The following VWA8 variants were observed in gnomAD, a reference collection of about 807,000 sequenced individuals.
VWA8 encodes von Willebrand factor A domain containing 8, also known as von Willebrand factor A domain-containing protein 8.
VWA8 carries 221 observed loss-of-function variants against 241.5 expected under a neutral mutation model. That is an observed-to-expected ratio of 0.91 (90% CI 0.82 to 1.02). The LOEUF (loss-of-function observed/expected upper bound fraction) is 1.02, where lower values mean the gene tolerates loss of function less well. VWA8 is among the 50% of genes least tolerant of loss of function. VWA8 has a pLI of 0.00. For missense variants in VWA8, 2,322 were observed against 2,328.7 expected, an observed-to-expected ratio of 1.00 and a Z score of 0.06; for synonymous variants, 852 against 827.1, an observed-to-expected ratio of 1.03 and a Z score of -0.52.
At chr13:41,952,033 T>C (rs931252148) in intron 1 of VWA8, among the ~76,000 whole-genome samples, 19 of 152,276 alleles carry the variant, frequency 1.2e-4, no homozygotes, top group East Asian at 7.7e-4. Context: ...AGCTCCTCCA[T>C]AACCCGTGCA....
chr13:41,736,078 A>G (rs1352522698), intron 21 of VWA8, among the ~76,000 whole-genome samples: 3 of 152,206 alleles, frequency 2.0e-5, no homozygotes, highest in African/African-American at 7.2e-5. Context: ...ACTAGGGAGA[A>G]GAAAACTTAA....
intron 35 of VWA8, among the ~76,000 whole-genome samples, chr13:41,676,184 C>T (rs1442968645): frequency 6.6e-6 from 1 of 152,090 alleles, no homozygotes; most frequent in South Asian, 2.1e-4. Context: ...GCCAAGCTGA[C>T]AAAGGGTGTA....
At chr13:41,575,679 TTTAGTC>T in intron 43 of VWA8, 55 bp downstream of exon 43, 1 of 1,251,902 alleles carries the variant, frequency 8.0e-7, no homozygotes, top group Non-Finnish European at 1.1e-6. Context: ...AATGAATCCT[TTTAGTC>T]TTTACCTAAC....
At chr13:41,615,765 C>T (rs1309850979) in intron 37 of VWA8, among the ~76,000 whole-genome samples, 2 of 152,154 alleles carry the variant, frequency 1.3e-5, no homozygotes, top group Non-Finnish European at 2.9e-5. Flanking sequence ...TCTGTGAGAG[C>T]CTGAAGTTCA....
intron 43 of VWA8, among the ~76,000 whole-genome samples, chr13:41,573,525 G>A (rs1426425001): frequency 8.0e-5 from 10 of 125,216 alleles, no homozygotes; most frequent in African/African-American, 2.6e-4. Flanking sequence ...CTATATATAC[G>A]TGTATATATA....
At chr13:41,851,614 T>G (rs1226285140) in intron 12 of VWA8, among the ~76,000 whole-genome samples, 1 of 152,142 alleles carries the variant, frequency 6.6e-6, no homozygotes, top group East Asian at 1.9e-4. Context: ...TCATTTTCTC[T>G]TGCTCCAGTG....
intron 2 of VWA8, among the ~76,000 whole-genome samples, chr13:41,918,881 T>A (rs1876381267): frequency 6.6e-6 from 1 of 152,102 alleles, no homozygotes; most frequent in African/African-American, 2.4e-5. Context: ...ATACAAAGTG[T>A]GTTCTCCGAC....
intron 25 of VWA8, 72 bp from the exon 26 acceptor site, chr13:41,719,814 A>G (rs1464012163): frequency 1.4e-6 from 2 of 1,406,328 alleles, no homozygotes; most frequent in Non-Finnish European, 1.9e-6. Flanking sequence ...TATGAAATGG[A>G]TAGGACAATA....
chr13:41,691,416 TC>T lies in VWA8; in HGVS notation c.3769del (p.Glu1257LysfsTer19), dbSNP rs750085500. On this transcript the variant is annotated frameshift_variant, in exon 32 of 45. Transcript: ENST00000379310. LOFTEE classifies it high-confidence loss of function. ...GNSLTVLDVLEGRTHTISLPI... is the reference protein window; with the variant it reads ...GNSLTVLDVLXGRTHTISLPI... Reference sequence around the variant, plus strand: ...AAGTGAGATGGTGTGAGTTCGCCCTTCTAGAACATCCAGCACAGTCAGGCTG... The same window carrying T: ...AAGTGAGATGGTGTGAGTTCGCCCTTTAGAACATCCAGCACAGTCAGGCTG... 1 of 1,612,662 alleles carries T rather than the reference TC, an allele frequency of 6.2e-7. No individual in the cohort carries two copies. Among genetic ancestry groups the T allele is most frequent in the South Asian group, 1.1e-5 (1 of 91,030 alleles).
chr13:41,919,130 G>C (rs1290698651), intron 2 of VWA8, among the ~76,000 whole-genome samples: 1 of 152,184 alleles, frequency 6.6e-6, no homozygotes, highest in Non-Finnish European at 1.5e-5. Context: ...CTGCAAAGGA[G>C]TAGGAGAAAT....
At chr13:41,596,788 T>TGTAC (rs1555306592) in intron 40 of VWA8, among the ~76,000 whole-genome samples, 4 of 136,930 alleles carry the variant, frequency 2.9e-5, no homozygotes, top group Non-Finnish European at 6.3e-5. Flanking sequence ...AACCAGAAAG[T>TGTAC]ACACACACAC....
chr13:41,614,644 T>C lies in VWA8; in HGVS notation c.4720+332A>G, dbSNP rs2044609757. Among the ~76,000 whole-genome samples the C allele has an allele frequency of 2.0e-5, 3 of 152,232 alleles. No individual in the cohort carries two copies. In the South Asian group the frequency reaches 6.2e-4, roughly 32 times the overall value. On this transcript the variant is annotated intron_variant, in intron 38 of 44. Coordinates refer to ENST00000379310, the MANE Select transcript of VWA8 (RefSeq NM_015058.2). ...TGAAAATATTCTTCATGCCAGGCAC[T>C]GTGCTCAGTGCTTAACAATCGTAAT...
chr13:41,681,708 T>C (rs1442827911), intron 35 of VWA8, among the ~76,000 whole-genome samples: 1 of 151,904 alleles, frequency 6.6e-6, no homozygotes, highest in African/African-American at 2.4e-5. Context: ...TTGTGAAAAA[T>C]TAAAATACAC....
intron 19 of VWA8, among the ~76,000 whole-genome samples, chr13:41,780,913 A>G (rs1479312948): frequency 6.6e-6 from 1 of 152,096 alleles, no homozygotes; most frequent in Non-Finnish European, 1.5e-5. Context: ...CCTGAGAAAG[A>G]ATCTCTGCTG....
At position 41,699,826 on chromosome 13, in the gene VWA8, CT is replaced by C. The variant is rs1188424718; in HGVS notation, c.3365-557del. On this transcript the variant is annotated intron_variant, in intron 28 of 44. Coordinates refer to ENST00000379310, the MANE Select transcript of VWA8 (RefSeq NM_015058.2). ...ACTATAAAATCTCTGTCTTTTCAAT[CT>C]GGGTACCTAAGTCCATTTCCTTCCA... Among the ~76,000 whole-genome samples, 3 of 152,122 alleles carry C rather than the reference CT, an allele frequency of 2.0e-5. No individual in the cohort carries two copies. In the East Asian group the frequency reaches 5.8e-4, roughly 29 times the overall value.
At chr13:41,600,289 C>T (rs2044512991) in intron 40 of VWA8, among the ~76,000 whole-genome samples, 1 of 152,062 alleles carries the variant, frequency 6.6e-6, no homozygotes. Context: ...GTTAGAGATG[C>T]CCATAGTCAT....
chr13:41,950,263 C>G (rs561562447), intron 1 of VWA8, among the ~76,000 whole-genome samples: 2 of 152,220 alleles, frequency 1.3e-5, no homozygotes, highest in Admixed American at 6.5e-5. Context: ...TGATAAAATA[C>G]ATCAACAAGC....
chr13:41,689,362 C>G lies in VWA8; in HGVS notation c.4123G>C (p.Asp1375His). The G allele has an allele frequency of 6.2e-7, 1 of 1,608,746 alleles. No individual in the cohort carries two copies. The highest frequency in any genetic ancestry group is 8.5e-7 in the Non-Finnish European group (1 of 1,177,864). ...AAAAAATGGGTGCTTACCATGAGAT[C>G]TGGAAAACCAACAACTATTGTAGCA... ...NYATIVVGFP[D>H]LMSPSEVYSW... The change falls in exon 34 of 45, where the codon GAT becomes CAT. Residue 1375 changes from aspartate (D) to histidine (H), a missense_variant. Coordinates refer to ENST00000379310, the MANE Select transcript of VWA8 (RefSeq NM_015058.2).
intron 2 of VWA8, among the ~76,000 whole-genome samples, chr13:41,921,643 AACAG>A (rs1345868347): frequency 4.6e-5 from 7 of 152,010 alleles, no homozygotes; most frequent in African/African-American, 1.4e-4. Context: ...ATACACCAAT[AACAG>A]ACAGAGAACC....
Sources: gnomAD v4.1 joint callset for allele counts (sites outside exome capture counted in the v4.1 genomes callset) on GRCh38, gnomAD v4.1.1 for gene constraint, MANE v1.5 for transcripts, NCBI Gene and HGNC (gene_info 2026-07-23, HGNC 2026-07-21) for gene names.